PRELID2: variants seen among roughly 807,000 people sequenced by gnomAD.
PRELID2 encodes PRELI domain-containing protein 2.
Under a neutral mutation model 28.4 loss-of-function variants are expected in PRELID2, and 25 were observed. That is an observed-to-expected ratio of 0.88 (90% CI 0.64 to 1.23). The LOEUF is 1.23. Ranked by LOEUF, PRELID2 falls within the 50% of genes most tolerant of loss-of-function variation. The probability of loss-of-function intolerance (pLI) is 0.00; values close to 1 mark genes in which losing one functional copy is unlikely to be tolerated. For synonymous variants in PRELID2, 76 were observed against 71.6 expected, an observed-to-expected ratio of 1.06 and a Z score of -0.31; for missense variants, 201 against 214.4, an observed-to-expected ratio of 0.94 and a Z score of 0.39.
At chr5:145,512,522 C>T (rs1752470407) in intron 1 of PRELID2, among the ~76,000 whole-genome samples, 2 of 152,354 alleles carry the variant, frequency 1.3e-5, no homozygotes, top group African/African-American at 2.4e-5. Context: ...AAACTCCCAT[C>T]TCCCAGGGAC....
intron 1 of PRELID2, among the ~76,000 whole-genome samples, chr5:145,750,056 C>T (rs1757088395): frequency 6.6e-6 from 1 of 151,696 alleles, no homozygotes; most frequent in African/African-American, 2.4e-5. Context: ...AACAAGCCTG[C>T]ACATTCTGCA....
chr5:145,792,302 T>C (rs566517784), intron 5 of PRELID2, among the ~76,000 whole-genome samples: 32 of 152,298 alleles, frequency 2.1e-4, no homozygotes, highest in African/African-American at 7.5e-4. Context: ...AGTTTCCCTA[T>C]GCATAAAATG....
intron 3 of PRELID2, 89 bp from the exon 4 acceptor site, chr5:145,818,143 A>T: frequency 5.2e-6 from 7 of 1,344,228 alleles, no homozygotes; most frequent in South Asian, 1.4e-5. Flanking sequence ...GTCTTGGATA[A>T]CCAAGAGGAC....
At chr5:145,363,198 G>A in the PRELID2 span, among the ~76,000 whole-genome samples, 1 of 151,108 alleles carries the variant, frequency 6.6e-6, no homozygotes, top group Non-Finnish European at 1.5e-5. Context: ...TAGCGAATAT[G>A]TTACCTAGCG....
chr5:145,623,685 G>A (rs113598536), intron 1 of PRELID2, among the ~76,000 whole-genome samples: 54 of 152,294 alleles, frequency 3.5e-4, no homozygotes, highest in African/African-American at 1.3e-3. Context: ...ACACCTTGTG[G>A]ATCATCGTGG....
intron 1 of PRELID2, among the ~76,000 whole-genome samples, chr5:145,673,523 A>G (rs1350881374): frequency 1.3e-5 from 2 of 152,190 alleles, no homozygotes; most frequent in African/African-American, 4.8e-5. Flanking sequence ...AAATAAACCC[A>G]TAGTGAAACA....
intron 1 of PRELID2, among the ~76,000 whole-genome samples, chr5:145,606,844 C>G (rs1422027334): frequency 1.3e-5 from 2 of 152,060 alleles, no homozygotes; most frequent in Admixed American, 1.3e-4. Context: ...ATTTTACCAG[C>G]ACTCCTTTTA....
At chr5:145,746,353 A>G (rs1756991617) in intron 1 of PRELID2, among the ~76,000 whole-genome samples, 1 of 152,172 alleles carries the variant, frequency 6.6e-6, no homozygotes, top group Non-Finnish European at 1.5e-5. Flanking sequence ...AAAAAAACAA[A>G]CACAAAAACA....
At chr5:145,768,942 A>T (rs1308429085) in intron 5 of PRELID2, among the ~76,000 whole-genome samples, 1 of 152,194 alleles carries the variant, frequency 6.6e-6, no homozygotes, top group Admixed American at 6.5e-5. Flanking sequence ...AAAAGAAAAA[A>T]AAACACCTAA....
At chr5:145,678,268 C>T (rs1754861112) in intron 1 of PRELID2, among the ~76,000 whole-genome samples, 1 of 152,132 alleles carries the variant, frequency 6.6e-6, no homozygotes, top group Non-Finnish European at 1.5e-5. Flanking sequence ...CATTGAGAAC[C>T]TAAAACTACC....
chr5:145,289,174 C>T, the PRELID2 span, among the ~76,000 whole-genome samples: 5 of 152,022 alleles, frequency 3.3e-5, no homozygotes, highest in African/African-American at 7.2e-5. Context: ...AGGACTTTTG[C>T]TTGCTGTAAA....
chr5:145,472,961 G>T (rs1324942524), intron 2 of PRELID2, among the ~76,000 whole-genome samples: 2 of 151,998 alleles, frequency 1.3e-5, no homozygotes, highest in Non-Finnish European at 2.9e-5. Flanking sequence ...AGGAACCTAG[G>T]ATAACACATA....
chr5:145,642,641 G>A (rs1336116794), intron 1 of PRELID2, among the ~76,000 whole-genome samples: 1 of 152,100 alleles, frequency 6.6e-6, no homozygotes, highest in South Asian at 2.1e-4. Flanking sequence ...GGATTTTTAT[G>A]GTTTTAGGTC....
chr5:145,367,360 T>C, the PRELID2 span, among the ~76,000 whole-genome samples: 1 of 151,936 alleles, frequency 6.6e-6, no homozygotes, highest in Non-Finnish European at 1.5e-5. Flanking sequence ...ATTTCTAATA[T>C]ACTCACTGTC....
the PRELID2 span, among the ~76,000 whole-genome samples, chr5:145,420,656 T>C: frequency 9.8e-6 from 1 of 101,936 alleles, no homozygotes; most frequent in African/African-American, 3.6e-5. Flanking sequence ...GTTTTCTAGA[T>C]ATATAATCAT....
At chr5:145,817,202 A>ATATATATATATATATATAT (rs1561643627) in intron 4 of PRELID2, among the ~76,000 whole-genome samples, 1 of 51,400 alleles carries the variant, frequency 1.9e-5, no homozygotes, top group Non-Finnish European at 4.8e-5. Flanking sequence ...AAAAAAAATA[A>ATATATATATATATATATAT]ATAAATAAAT....
chr5:145,520,515 C>T (rs998918530), intron 1 of PRELID2, among the ~76,000 whole-genome samples: 1 of 152,274 alleles, frequency 6.6e-6, no homozygotes, highest in Non-Finnish European at 1.5e-5. Flanking sequence ...TGTTCACCTG[C>T]AGTTCTCATC....
the PRELID2 span, among the ~76,000 whole-genome samples, chr5:145,298,689 G>A: frequency 1.3e-5 from 2 of 152,164 alleles, no homozygotes; most frequent in East Asian, 3.9e-4. Context: ...ACAAATGCCA[G>A]GCTTGACTTC....
the PRELID2 span, among the ~76,000 whole-genome samples, chr5:145,439,534 T>C: frequency 6.6e-6 from 1 of 152,102 alleles, no homozygotes; most frequent in African/African-American, 2.4e-5. Context: ...AAATCAGCAC[T>C]ACCTATTTTA....
Sources: gnomAD v4.1 joint callset for allele counts (sites outside exome capture counted in the v4.1 genomes callset) on GRCh38, gnomAD v4.1.1 for gene constraint, MANE v1.5 for transcripts, NCBI Gene and HGNC (gene_info 2026-07-23, HGNC 2026-07-21) for gene names.